The following GUCY2F variants were observed in gnomAD, a reference collection of about 807,000 sequenced individuals.
GUCY2F encodes the protein retinal guanylyl cyclase 2.
GUCY2F carries 61 observed loss-of-function variants against 73.1 expected under a neutral mutation model. That is an observed-to-expected ratio of 0.83 (90% confidence interval 0.68 to 1.03). GUCY2F has a LOEUF of 1.03. Among genes scored for constraint, GUCY2F ranks in the 50% least tolerant of loss-of-function variants. GUCY2F has a pLI of 0.00. For synonymous variants in GUCY2F, 331 were observed against 307.8 expected (o/e 1.08, Z -0.79); for missense variants, 912 against 854.3 (o/e 1.07, Z -0.84).
At chrX:109,439,249 G>T (rs957503027) in intron 7 of GUCY2F, among the ~76,000 whole-genome samples, 1 of 111,633 alleles carries the variant, frequency 9.0e-6, no homozygotes, top group Non-Finnish European at 1.9e-5. Context: ...GCCCTGGACC[G>T]CATCAGTGTC....
chrX:109,469,460 G>T (rs895135750), intron 2 of GUCY2F, among the ~76,000 whole-genome samples: 1 of 110,515 alleles, frequency 9.0e-6, no homozygotes. Flanking sequence ...AGATGGAAAT[G>T]ATTCCACTTG....
At chrX:109,481,081 AGG>A (rs1932762208) in intron 1 of GUCY2F, among the ~76,000 whole-genome samples, 1 of 66,327 alleles carries the variant, frequency 1.5e-5, no homozygotes, top group Non-Finnish European at 2.9e-5. Context: ...GAAGGAAGGA[AGG>A]AAGGAAGGAA....
At chrX:109,407,720 C>T (rs1931007805) in intron 9 of GUCY2F, among the ~76,000 whole-genome samples, 1 of 113,430 alleles carries the variant, frequency 8.8e-6, no homozygotes, top group South Asian at 3.6e-4. Context: ...AAGGGGCCAA[C>T]ATAAAGCTTG....
chrX:109,376,544 A>G (rs1930185702), intron 17 of GUCY2F, among the ~76,000 whole-genome samples: 1 of 112,362 alleles, frequency 8.9e-6, no homozygotes, highest in African/African-American at 3.2e-5. Flanking sequence ...GTCTCATTCA[A>G]TGGCTCTCAC....
chrX:109,425,288 G>T (rs1286170755), intron 8 of GUCY2F, among the ~76,000 whole-genome samples: 1 of 109,274 alleles, frequency 9.2e-6, no homozygotes, highest in Non-Finnish European at 1.9e-5. Context: ...GCAAAAATAT[G>T]GAACCAGCCC....
chrX:109,375,617 G>T (rs899405984), intron 19 of GUCY2F, among the ~76,000 whole-genome samples: 5 of 112,204 alleles, frequency 4.5e-5, no homozygotes, highest in African/African-American at 1.6e-4. Context: ...CCTGATAATT[G>T]GATAGCAAGG....
At chrX:109,437,669 C>G in intron 7 of GUCY2F, among the ~76,000 whole-genome samples, 2 of 112,968 alleles carry the variant, frequency 1.8e-5, no homozygotes, top group Middle Eastern at 9.1e-3. Context: ...CCAACTGAAT[C>G]AGAATTGCTG....
At chrX:109,410,037 G>A (rs1296802650) in intron 8 of GUCY2F, among the ~76,000 whole-genome samples, 3 of 111,432 alleles carry the variant, frequency 2.7e-5, no homozygotes, top group Non-Finnish European at 5.6e-5. Context: ...CAGGTCTCCA[G>A]ATAAGAGCAC....
chrX:109,467,572 T>G (rs191310038), intron 2 of GUCY2F, among the ~76,000 whole-genome samples: 1 of 112,878 alleles, frequency 8.9e-6, no homozygotes, highest in African/African-American at 3.2e-5. Context: ...TAGTAGGTGC[T>G]ATGGTGATGT....
intron 6 of GUCY2F, among the ~76,000 whole-genome samples, chrX:109,442,451 G>C (rs1227504936): frequency 9.0e-6 from 1 of 111,359 alleles, no homozygotes; most frequent in African/African-American, 3.3e-5. Flanking sequence ...ACTGGGACAA[G>C]AATCTTGGTA....
rs763748993 is a variant in GUCY2F at position 109,392,111 on chromosome X, GC to G, written c.2589-9del. 33 of 1,169,428 alleles carry G rather than the reference GC, an allele frequency of 2.8e-5. 1 individual carries two copies. In the East Asian group the frequency reaches 1.0e-3, roughly 35 times the overall value. On this transcript the variant is annotated splice_polypyrimidine_tract_variant and intron_variant, in intron 13 of 19. Transcript: ENST00000218006. ...AGAGATTCAGCAACTGATCTGAAAA[GC>G]AGACACAGCTATTCCTAAGATGACA...
intron 7 of GUCY2F, among the ~76,000 whole-genome samples, chrX:109,437,380 C>T (rs1390140902): frequency 8.9e-6 from 1 of 112,878 alleles, no homozygotes; most frequent in Non-Finnish European, 1.9e-5. Context: ...ACTTAGCTCT[C>T]TGCCTCCTTC....
At chrX:109,454,820 T>C (rs1255646132) in intron 3 of GUCY2F, among the ~76,000 whole-genome samples, 1 of 110,945 alleles carries the variant, frequency 9.0e-6, no homozygotes, top group Non-Finnish European at 1.9e-5. Context: ...GTTTTCCATG[T>C]CACTTCACTT....
intron 19 of GUCY2F, among the ~76,000 whole-genome samples, chrX:109,375,256 A>G (rs1465164771): frequency 9.0e-6 from 1 of 111,221 alleles, no homozygotes; most frequent in Non-Finnish European, 1.9e-5. Context: ...AGAGATAAAT[A>G]CCGATAAATA....
intron 7 of GUCY2F, among the ~76,000 whole-genome samples, chrX:109,440,925 T>C (rs963665130): frequency 2.7e-5 from 3 of 112,219 alleles, no homozygotes; most frequent in African/African-American, 9.7e-5. Context: ...TATCAGAGGA[T>C]AACAAGTACA....
chrX:109,471,166 G>A (rs1603386219), intron 2 of GUCY2F, among the ~76,000 whole-genome samples: 1 of 111,949 alleles, frequency 8.9e-6, no homozygotes, highest in East Asian at 2.8e-4. Context: ...CTATTCCAAT[G>A]GTGTCATATT....
intron 10 of GUCY2F, among the ~76,000 whole-genome samples, chrX:109,400,777 G>A (rs1930821564): frequency 8.9e-6 from 1 of 111,977 alleles, no homozygotes; most frequent in Non-Finnish European, 1.9e-5. Context: ...ATGTCTCCCT[G>A]CCTAGGAAGA....
chrX:109,387,962 G>T (rs1369118134), intron 15 of GUCY2F, among the ~76,000 whole-genome samples: 3 of 111,124 alleles, frequency 2.7e-5, no homozygotes, highest in Non-Finnish European at 5.7e-5. Context: ...ATTGCAAAGG[G>T]GCTAAGGAGG....
intron 9 of GUCY2F, 130 bp from the exon 10 acceptor site, chrX:109,404,614 G>T: frequency 2.1e-6 from 1 of 468,530 alleles, no homozygotes; most frequent in Non-Finnish European, 3.6e-6. Context: ...CTTCTATGCA[G>T]GCAAAGTAAA....
Sources: allele counts gnomAD v4.1 joint callset (sites outside exome capture counted in the v4.1 genomes callset), GRCh38; gene constraint gnomAD v4.1.1; transcripts MANE v1.5; gene names NCBI Gene and HGNC (gene_info 2026-07-23, HGNC 2026-07-21).